The following PRR5L variants were observed in gnomAD, a reference collection of about 807,000 sequenced individuals.
The protein encoded by PRR5L is proline-rich protein 5-like.
PRR5L carries 21 observed loss-of-function variants against 36.4 expected under a neutral mutation model. That is an observed-to-expected ratio of 0.58 (90% CI 0.41 to 0.83). PRR5L has a LOEUF of 0.83. PRR5L is among the 40% of genes least tolerant of loss of function. The pLI, the probability that PRR5L is intolerant of heterozygous loss-of-function variation, is 0.00. For missense variants in PRR5L, 381 were observed against 473.3 expected, an observed-to-expected ratio of 0.80 and a Z score of 1.81; for synonymous variants, 188 against 197.0, an observed-to-expected ratio of 0.95 and a Z score of 0.38.
chr11:36,417,960 C>T (rs1858181923), intron 3 of PRR5L, among the ~76,000 whole-genome samples: 1 of 152,210 alleles, frequency 6.6e-6, no homozygotes, highest in Non-Finnish European at 1.5e-5. Flanking sequence ...CTTACCTTGT[C>T]TGGATCAAAA....
At chr11:36,339,055 A>G (rs1856794617) in intron 1 of PRR5L, among the ~76,000 whole-genome samples, 1 of 152,140 alleles carries the variant, frequency 6.6e-6, no homozygotes, top group African/African-American at 2.4e-5. Flanking sequence ...TCTGCCCTCT[A>G]TCATGATTGT....
At chr11:36,360,501 T>C (rs1036545074) in intron 1 of PRR5L, among the ~76,000 whole-genome samples, 1 of 152,120 alleles carries the variant, frequency 6.6e-6, no homozygotes, top group African/African-American at 2.4e-5. Context: ...ATGACAAATA[T>C]CTGACTATCT....
At chr11:36,388,756 T>C (rs1010991674) in intron 1 of PRR5L, among the ~76,000 whole-genome samples, 2 of 141,124 alleles carry the variant, frequency 1.4e-5, no homozygotes, top group African/African-American at 5.3e-5. Flanking sequence ...TGGAATGCAG[T>C]GGCGCGATCT....
At chr11:36,398,379 C>T (rs12785381) in intron 1 of PRR5L, 20,940 of 152,404 alleles carry the variant, frequency 0.14, 1,963 homozygotes, top group African/African-American at 0.27. Flanking sequence ...GCCGGGCCAG[C>T]GCTGTAGCAG....
At chr11:36,441,010 C>G (rs1239085467) in intron 6 of PRR5L, among the ~76,000 whole-genome samples, 1 of 152,196 alleles carries the variant, frequency 6.6e-6, no homozygotes, top group African/African-American at 2.4e-5. Context: ...CCCTATGACT[C>G]TACCTTCTAC....
chr11:36,436,312 C>G (rs1355086734), intron 5 of PRR5L, among the ~76,000 whole-genome samples: 1 of 152,220 alleles, frequency 6.6e-6, no homozygotes, highest in East Asian at 1.9e-4. Context: ...TGACCAATAT[C>G]AGCTCTGATA....
At chr11:36,451,986 T>C (rs1169007607) in intron 8 of PRR5L, among the ~76,000 whole-genome samples, 1 of 148,728 alleles carries the variant, frequency 6.7e-6, no homozygotes, top group African/African-American at 2.5e-5. Flanking sequence ...CACTGCAGTC[T>C]AGATGGGTTC....
At chr11:36,376,524 G>T in intron 1 of PRR5L, 1 of 1,028,386 alleles carries the variant, frequency 9.7e-7, no homozygotes, top group South Asian at 3.3e-5. Context: ...AGGGAGGGAC[G>T]GAGGGAGGGA....
intron 1 of PRR5L, among the ~76,000 whole-genome samples, chr11:36,349,220 G>GT (rs1436459132): frequency 9.0e-5 from 13 of 144,342 alleles, no homozygotes; most frequent in Admixed American, 3.6e-4. Flanking sequence ...CGAGGCGGAG[G>GT]TTGCAGTGAG....
chr11:36,392,736 A>C (rs1417684866), intron 1 of PRR5L, among the ~76,000 whole-genome samples: 1 of 152,102 alleles, frequency 6.6e-6, no homozygotes, highest in Admixed American at 6.6e-5. Context: ...AGAGAGAGAC[A>C]GAGAGCAAGG....
intron 1 of PRR5L, among the ~76,000 whole-genome samples, chr11:36,322,892 T>A (rs7117002): frequency 0.49 from 74,981 of 151,792 alleles, 19,681 homozygotes; most frequent in East Asian, 0.83. Flanking sequence ...TCGTGGGAGG[T>A]TGGAAGCAGA....
At chr11:36,406,207 C>A (rs2133564639) in intron 3 of PRR5L, among the ~76,000 whole-genome samples, 1 of 152,162 alleles carries the variant, frequency 6.6e-6, no homozygotes, top group Non-Finnish European at 1.5e-5. Context: ...ACTCCCCCAG[C>A]CCTCCTTTCC....
At chr11:36,343,484 A>G (rs1194718712) in intron 1 of PRR5L, among the ~76,000 whole-genome samples, 1 of 152,174 alleles carries the variant, frequency 6.6e-6, no homozygotes, top group African/African-American at 2.4e-5. Context: ...CCTTTCATGC[A>G]AGGTGGAGGT....
rs1469414573 is a variant in PRR5L at position 36,351,537 on chromosome 11, A to T, written c.-125-49460A>T. Among the ~76,000 whole-genome samples the T allele has an allele frequency of 4.2e-3, 16 of 3,826 alleles. 2 individuals carry two copies. Among genetic ancestry groups the T allele is most frequent in the Admixed American group, 0.011 (3 of 280 alleles). 2.5% of individuals were successfully genotyped at this position (3,826 alleles called of 152,430 possible). ...TATATATATTTATATATTTATATAA[A>T]TATATATTTATATATATTTATATAT... On this transcript the variant is annotated intron_variant, in intron 1 of 8. Transcript: ENST00000530639.
chr11:36,318,226 C>A (rs1856577649), intron 1 of PRR5L, among the ~76,000 whole-genome samples: 1 of 152,174 alleles, frequency 6.6e-6, no homozygotes, highest in Non-Finnish European at 1.5e-5. Flanking sequence ...GTGATGTTTG[C>A]ACAATGATGA....
At chr11:36,429,390 G>A (rs908292051) in intron 4 of PRR5L, among the ~76,000 whole-genome samples, 31 of 152,066 alleles carry the variant, frequency 2.0e-4, no homozygotes, top group Admixed American at 3.9e-4. Flanking sequence ...AATGAGATAT[G>A]GTCCTCACTC....
chr11:36,457,153 T>C (rs561719230), intron 8 of PRR5L, among the ~76,000 whole-genome samples: 1 of 152,356 alleles, frequency 6.6e-6, no homozygotes, highest in East Asian at 1.9e-4. Flanking sequence ...GCTGCATGTG[T>C]CTGCCAAGCA....
intron 1 of PRR5L, chr11:36,398,358 G>A (rs2133553662): frequency 6.6e-6 from 1 of 152,476 alleles, no homozygotes; most frequent in Non-Finnish European, 1.5e-5. Flanking sequence ...GGTCAGGACA[G>A]GCCCGCGCCT....
intron 1 of PRR5L, chr11:36,380,559 G>A (rs892685585): frequency 1.3e-5 from 2 of 151,994 alleles, no homozygotes; most frequent in Admixed American, 6.6e-5. Flanking sequence ...TTTCATGTAC[G>A]GGAGAGAGAA....
Sources: allele counts gnomAD v4.1 joint callset (sites outside exome capture counted in the v4.1 genomes callset), GRCh38; gene constraint gnomAD v4.1.1; transcripts MANE v1.5; gene names NCBI Gene and HGNC (gene_info 2026-07-23, HGNC 2026-07-21).